Variants in ATP12A observed in about 807,000 individuals in gnomAD.
ATP12A encodes ATPase H+/K+ transporting non-gastric alpha2 subunit.
Under a neutral mutation model 111.2 loss-of-function variants are expected in ATP12A, and 81 were observed. The ratio of observed to expected loss-of-function variants is 0.73; its 90% CI spans 0.61 to 0.88. The LOEUF (loss-of-function observed/expected upper bound fraction) is 0.88, where lower values mean the gene tolerates loss of function less well. ATP12A is among the 40% of genes least tolerant of loss of function. ATP12A has a pLI of 0.00. For synonymous variants in ATP12A, 498 were observed against 499.8 expected (o/e 1.00, Z 0.05); for missense variants, 1,196 against 1,313.1 (o/e 0.91, Z 1.38).
Position 24,707,148 on chromosome 13 carries a change from G to A in ATP12A, c.2295G>A (p.Leu765=), listed in dbSNP as rs1875701102. ...CCAAAAATGCAGCCGACATGGTCTT[G>A]CTGGACGACAACTTCGCATCCATCG... The part of the protein sequence containing the change: ...DAAKNAADMV[L]LDDNFASIVT... The change falls in exon 16 of 23, where the codon TTG becomes TTA. Residue 765 remains leucine, a synonymous_variant. Transcript: ENST00000381946. 2 of 1,614,150 alleles carry A rather than the reference G, an allele frequency of 1.2e-6. No individual in the cohort carries two copies. Among genetic ancestry groups the A allele is most frequent in the African/African-American group, 1.3e-5 (1 of 75,056 alleles).
chr13:24,695,860 T>C (rs958896149), intron 11 of ATP12A, among the ~76,000 whole-genome samples: 8 of 152,146 alleles, frequency 5.3e-5, no homozygotes, highest in Non-Finnish European at 1.2e-4. Flanking sequence ...CTATCCGCCT[T>C]GGCCTCCCAA....
At chr13:24,706,292 A>C in intron 14 of ATP12A, 21 bp from the exon 15 acceptor site, 1 of 1,611,878 alleles carries the variant, frequency 6.2e-7, no homozygotes, top group Non-Finnish European at 8.5e-7. Flanking sequence ...GGCCTCACCC[A>C]GTTTCTTCTG....
rs779042966 is a variant in ATP12A, at chr13:24,710,558, C to A, written c.2862C>A (p.Thr954=). Residue 954 remains threonine, a synonymous_variant, in exon 20 of 23, where the codon ACC becomes ACA. Transcript: ENST00000381946. Reference sequence around the variant, plus strand: ...TAGCAGATCTGATCATCAGGAAAACCCGGAGGAATTCCATCTTCCAGCAGG... The same window carrying A: ...TAGCAGATCTGATCATCAGGAAAACACGGAGGAATTCCATCTTCCAGCAGG... The part of the protein sequence containing the change: ...QQIADLIIRK[T]RRNSIFQQGL... 2.8e-5 allele frequency: 46 copies of A among 1,614,222 alleles called. No homozygotes were observed. The South Asian group carries it at 4.8e-4, about 17-fold the overall frequency.
Position 24,709,547 on chromosome 13 carries a change from T to TG in ATP12A, c.2617+66dup, listed in dbSNP as rs1246279929. The TG allele has an allele frequency of 3.8e-6, 6 of 1,597,260 alleles. No homozygotes were observed. In the Admixed American group the frequency reaches 1.0e-4, roughly 27 times the overall value. On this transcript the variant is annotated intron_variant, in intron 18 of 22. Coordinates refer to ENST00000381946, the MANE Select transcript of ATP12A (RefSeq NM_001676.7). ...GGCCTGCCCCGAGAATTCACTGGAG[T>TG]GGGGGGCACAGCCAGAAAGTGTGGT...
chr13:24,695,110 G>C (rs1593137065), intron 11 of ATP12A, among the ~76,000 whole-genome samples: 1 of 152,304 alleles, frequency 6.6e-6, no homozygotes, highest in East Asian at 1.9e-4. Context: ...AAAGTGTTGA[G>C]AGACCAGAGT....
intron 13 of ATP12A, among the ~76,000 whole-genome samples, chr13:24,701,702 G>A (rs930809028): frequency 3.3e-5 from 5 of 152,204 alleles, no homozygotes; most frequent in Admixed American, 6.5e-5. Context: ...CATCAAAGGG[G>A]AAGGGCTTCC....
At chr13:24,702,216 T>C in intron 14 of ATP12A, 145 bp downstream of exon 14, 1 of 1,066,622 alleles carries the variant, frequency 9.4e-7, no homozygotes, top group Non-Finnish European at 1.4e-6. Context: ...TGCATATCCA[T>C]GTATTCACTC....
At chr13:24,695,381 G>T (rs1351343669) in intron 11 of ATP12A, among the ~76,000 whole-genome samples, 4 of 152,170 alleles carry the variant, frequency 2.6e-5, no homozygotes, top group African/African-American at 9.7e-5. Flanking sequence ...CTGGCCGACA[G>T]TCAGCCATCA....
chr13:24,691,636 C>T (rs7318083), intron 8 of ATP12A, among the ~76,000 whole-genome samples: 22 of 143,644 alleles, frequency 1.5e-4, no homozygotes, highest in African/African-American at 1.7e-4. Flanking sequence ...ACCTCTCTTA[C>T]GAAAAAAAAA....
chr13:24,696,068 C>T (rs549951956), intron 11 of ATP12A, among the ~76,000 whole-genome samples: 15 of 152,164 alleles, frequency 9.9e-5, no homozygotes, highest in Middle Eastern at 3.4e-3. Flanking sequence ...AAATAGAGTG[C>T]GCAACAGTCC....
intron 11 of ATP12A, among the ~76,000 whole-genome samples, chr13:24,696,130 TAGG>T (rs1332976405): frequency 1.3e-5 from 2 of 152,124 alleles, no homozygotes; most frequent in Non-Finnish European, 2.9e-5. Flanking sequence ...CTAGTGATAA[TAGG>T]AGCTATTCTG....
chr13:24,683,175 C>T (rs1874545886), intron 2 of ATP12A, among the ~76,000 whole-genome samples: 1 of 152,180 alleles, frequency 6.6e-6, no homozygotes. Flanking sequence ...CCAGGCTGCT[C>T]TCGAACTCCT....
intron 12 of ATP12A, 62 bp from the exon 13 acceptor site, chr13:24,700,685 C>T: frequency 2.0e-6 from 3 of 1,514,292 alleles, no homozygotes; most frequent in Admixed American, 3.6e-5. Flanking sequence ...GCATGTTCTC[C>T]TCTTATTTTT....
intron 14 of ATP12A, among the ~76,000 whole-genome samples, chr13:24,702,431 G>A (rs191162807): frequency 1.3e-5 from 2 of 152,358 alleles, no homozygotes; most frequent in East Asian, 3.9e-4. Flanking sequence ...GGAATCGTAA[G>A]AACCCTGTGG....
In ATP12A at chr13:24,692,263, A is replaced by T. The variant is rs188002021; in HGVS notation, c.1069-166A>T. Among the ~76,000 whole-genome samples, 53 of 150,990 alleles carry T rather than the reference A, an allele frequency of 3.5e-4. No individual in the cohort carries two copies. In the East Asian group the frequency reaches 0.01, roughly 29 times the overall value. ...TGGCATAGAGGGCTCTTGGCGGCGT[A>T]TAAGCCACCAGGTCAGCTTAGCTGC... is the stretch of plus-strand genomic sequence containing the variant. On this transcript the variant is annotated intron_variant, in intron 8 of 22. Transcript: ENST00000381946.
At chr13:24,698,971 C>T (rs1875285698) in intron 12 of ATP12A, 121 bp downstream of exon 12, 1 of 1,235,098 alleles carries the variant, frequency 8.1e-7, no homozygotes, top group Admixed American at 2.5e-5. Context: ...TAAAGGAGAA[C>T]ATGATAAGCA....
In ATP12A at chr13:24,680,667, C is replaced by A. The variant is rs952675341; in HGVS notation, c.-77C>A. 1.4e-6 allele frequency: 2 copies of A among 1,474,612 alleles called. No individual in the cohort carries two copies. Among genetic ancestry groups the A allele is most frequent in the African/African-American group, 2.9e-5 (2 of 68,186 alleles). 91.3% of individuals were successfully genotyped at this position (1,474,612 alleles called of 1,614,324 possible). ...CTGCCACTGCCACAGCCACACGAGG[C>A]CCCCCACCGTGCGCTCCGCCGCTGC... On this transcript the variant is annotated 5_prime_UTR_variant, in exon 1 of 23. Coordinates refer to ENST00000381946, the MANE Select transcript of ATP12A (RefSeq NM_001676.7).
rs148058182 is a variant in ATP12A, at chr13:24,711,307, T to C, written c.3000-11T>C. The C allele has an allele frequency of 3.1e-6, 5 of 1,588,334 alleles. No individual in the cohort carries two copies. In the African/African-American group the frequency reaches 6.7e-5, roughly 21 times the overall value. The stretch of plus-strand genomic sequence containing the variant: ...TGAGTCAGGGTTCACTTTCCATCCC[T>C]TTGCTTCCAGGGCTCAGTACTGGTT... On this transcript the variant is annotated splice_polypyrimidine_tract_variant and intron_variant, in intron 21 of 22. Transcript: ENST00000381946.
At chr13:24,693,527 T>A (rs1037009207) in intron 10 of ATP12A, among the ~76,000 whole-genome samples, 3 of 152,226 alleles carry the variant, frequency 2.0e-5, no homozygotes, top group African/African-American at 7.2e-5. Context: ...GCCAATTGCT[T>A]CTTTGTCGAT....
Sources: allele counts gnomAD v4.1 joint callset (sites outside exome capture counted in the v4.1 genomes callset), GRCh38; gene constraint gnomAD v4.1.1; transcripts MANE v1.5; gene names NCBI Gene and HGNC (gene_info 2026-07-23, HGNC 2026-07-21).